The following LINGO2 variants were observed in gnomAD, a reference collection of about 807,000 sequenced individuals.
The protein encoded by LINGO2 is leucine rich repeat and Ig domain containing 2, also known as leucine-rich repeat and immunoglobulin-like domain-containing nogo receptor-interacting protein 2.
A neutral mutation model predicts 30.6 loss-of-function variants in LINGO2; 14 were observed. That is an observed-to-expected ratio of 0.46 (90% CI 0.30 to 0.72). LINGO2 has a LOEUF of 0.72. LINGO2 is among the 30% of genes least tolerant of loss of function. The pLI is 0.07. For missense variants in LINGO2, 729 were observed against 751.7 expected (o/e 0.97, Z 0.35); for synonymous variants, 317 against 288.5 (o/e 1.10, Z -1.00).
At chr9:29,112,581 A>G in the LINGO2 span, among the ~76,000 whole-genome samples, 3 of 152,180 alleles carry the variant, frequency 2.0e-5, no homozygotes. Flanking sequence ...TTACCTTTAG[A>G]TTACATGACA....
intron 4 of LINGO2, among the ~76,000 whole-genome samples, chr9:28,083,784 C>T (rs1386210719): frequency 2.0e-5 from 3 of 151,964 alleles, no homozygotes; most frequent in Non-Finnish European, 2.9e-5. Context: ...ATTCATTAAT[C>T]AATAGTATTA....
intron 2 of LINGO2, among the ~76,000 whole-genome samples, chr9:28,373,187 GA>G (rs1174393328): frequency 2.0e-5 from 3 of 152,086 alleles, no homozygotes; most frequent in Non-Finnish European, 2.9e-5. Flanking sequence ...TTGTATGAAA[GA>G]AAAAATTATA....
At chr9:28,344,787 T>A (rs979666424) in intron 3 of LINGO2, among the ~76,000 whole-genome samples, 2 of 152,060 alleles carry the variant, frequency 1.3e-5, no homozygotes, top group African/African-American at 4.8e-5. Context: ...AATTATACCA[T>A]CCATCCCATT....
At chr9:28,438,862 A>C (rs1824064774) in intron 2 of LINGO2, among the ~76,000 whole-genome samples, 1 of 146,336 alleles carries the variant, frequency 6.8e-6, no homozygotes, top group South Asian at 2.1e-4. Context: ...TGAGATATAT[A>C]TATTTATACA....
chr9:28,034,192 C>G (rs1823821161), intron 4 of LINGO2, among the ~76,000 whole-genome samples: 1 of 152,210 alleles, frequency 6.6e-6, no homozygotes, highest in South Asian at 2.1e-4. Flanking sequence ...TGCACACCAG[C>G]TGCTGCTCTG....
At chr9:28,014,051 T>C (rs973069016) in intron 4 of LINGO2, among the ~76,000 whole-genome samples, 1 of 152,200 alleles carries the variant, frequency 6.6e-6, no homozygotes, top group African/African-American at 2.4e-5. Context: ...CAGATGTCAA[T>C]CATTTCCAGC....
At chr9:29,122,079 A>T in the LINGO2 span, among the ~76,000 whole-genome samples, 2 of 151,904 alleles carry the variant, frequency 1.3e-5, no homozygotes, top group Non-Finnish European at 2.9e-5. Flanking sequence ...TAAAAAATAA[A>T]AATACTTTTC....
chr9:28,912,870 A>C, the LINGO2 span, among the ~76,000 whole-genome samples: 1 of 152,034 alleles, frequency 6.6e-6, no homozygotes, highest in Non-Finnish European at 1.5e-5. Context: ...TCATGACATC[A>C]CCTCCTGGCC....
chr9:28,817,129 G>A, the LINGO2 span, among the ~76,000 whole-genome samples: 1 of 152,046 alleles, frequency 6.6e-6, no homozygotes, highest in African/African-American at 2.4e-5. Context: ...GAACCCATAT[G>A]CATCAAAGAA....
At chr9:28,263,702 C>T (rs1257769990) in intron 4 of LINGO2, among the ~76,000 whole-genome samples, 1 of 151,940 alleles carries the variant, frequency 6.6e-6, no homozygotes, top group Non-Finnish European at 1.5e-5. Context: ...CATGTGACCA[C>T]AGCTGCTTAA....
chr9:28,400,537 G>C (rs1587616319), intron 2 of LINGO2, among the ~76,000 whole-genome samples: 1 of 152,178 alleles, frequency 6.6e-6, no homozygotes, highest in East Asian at 1.9e-4. Context: ...TGGTTTGTTG[G>C]AGAGTTAAGA....
chr9:28,298,137 C>T (rs79093332), intron 3 of LINGO2, among the ~76,000 whole-genome samples: 354 of 152,228 alleles, frequency 2.3e-3, no homozygotes, highest in Non-Finnish European at 4.2e-3. Flanking sequence ...TAATTTTTCA[C>T]TTATCTCTCT....
chr9:28,763,231 G>A, the LINGO2 span, among the ~76,000 whole-genome samples: 22 of 151,970 alleles, frequency 1.4e-4, no homozygotes, highest in African/African-American at 5.3e-4. Context: ...TTTCTCAACA[G>A]AGAATACACT....
intron 2 of LINGO2, among the ~76,000 whole-genome samples, chr9:28,474,042 GA>G (rs1327553509): frequency 6.6e-6 from 1 of 152,100 alleles, no homozygotes; most frequent in Non-Finnish European, 1.5e-5. Context: ...CTTTGACACA[GA>G]TGGTAAAATA....
chr9:29,173,966 T>C, the LINGO2 span, among the ~76,000 whole-genome samples: 2 of 152,230 alleles, frequency 1.3e-5, no homozygotes, highest in Non-Finnish European at 2.9e-5. Flanking sequence ...TCAATGCATG[T>C]GTGTTTTACT....
the LINGO2 span, among the ~76,000 whole-genome samples, chr9:28,907,307 G>A: frequency 2.0e-5 from 3 of 151,966 alleles, no homozygotes; most frequent in Non-Finnish European, 4.4e-5. Flanking sequence ...CTATGAGAAT[G>A]AGTGTGGCTA....
At chr9:28,417,755 C>T (rs1823024402) in intron 2 of LINGO2, among the ~76,000 whole-genome samples, 1 of 152,136 alleles carries the variant, frequency 6.6e-6, no homozygotes, top group Admixed American at 6.5e-5. Context: ...TATTGTTACT[C>T]ATGTCATACT....
At chr9:28,180,456 A>G (rs1370081141) in intron 4 of LINGO2, among the ~76,000 whole-genome samples, 1 of 152,142 alleles carries the variant, frequency 6.6e-6, no homozygotes, top group African/African-American at 2.4e-5. Context: ...GCATTAACAT[A>G]CTGATCACTA....
intron 4 of LINGO2, among the ~76,000 whole-genome samples, chr9:28,228,314 A>G (rs1459813719): frequency 6.6e-6 from 1 of 151,982 alleles, no homozygotes; most frequent in East Asian, 1.9e-4. Context: ...AGAGAGATCA[A>G]CATTTTACCC....
Sources: gnomAD v4.1 joint callset for allele counts (sites outside exome capture counted in the v4.1 genomes callset) on GRCh38, gnomAD v4.1.1 for gene constraint, MANE v1.5 for transcripts, NCBI Gene and HGNC (gene_info 2026-07-23, HGNC 2026-07-21) for gene names.